Variants in NEDD4L observed in about 807,000 individuals in gnomAD.
NEDD4L encodes the protein E3 ubiquitin-protein ligase NEDD4-like.
Under a neutral mutation model 148.9 loss-of-function variants are expected in NEDD4L, and 54 were observed. The ratio of observed to expected loss-of-function variants is 0.36; its 90% CI spans 0.29 to 0.45. The LOEUF is 0.45. NEDD4L is among the 20% of genes least tolerant of loss of function. The probability of loss-of-function intolerance (pLI) is 1.00; values close to 1 mark genes in which losing one functional copy is unlikely to be tolerated. For missense variants in NEDD4L, 856 were observed against 1,233.8 expected, an observed-to-expected ratio of 0.69 and a Z score of 4.59; for synonymous variants, 433 against 440.7, an observed-to-expected ratio of 0.98 and a Z score of 0.22.
intron 3 of NEDD4L, chr18:58,247,493 C>A (rs541161587): frequency 1.3e-5 from 2 of 152,348 alleles, no homozygotes; most frequent in Admixed American, 6.5e-5. Context: ...GAGCCAGGAC[C>A]AAAGCCGGCG....
chr18:58,236,224 G>A (rs1356958945), intron 2 of NEDD4L, among the ~76,000 whole-genome samples: 1 of 151,886 alleles, frequency 6.6e-6, no homozygotes, highest in Non-Finnish European at 1.5e-5. Context: ...AGGCATGGTG[G>A]TGTGTGTCTG....
chr18:58,219,521 A>C (rs1207492860), intron 2 of NEDD4L, among the ~76,000 whole-genome samples: 1 of 152,222 alleles, frequency 6.6e-6, no homozygotes, highest in Non-Finnish European at 1.5e-5. Flanking sequence ...TTGTTTTCTC[A>C]GGGCTCTGGA....
At chr18:58,111,784 A>G (rs1192947891) in intron 1 of NEDD4L, among the ~76,000 whole-genome samples, 2 of 152,156 alleles carry the variant, frequency 1.3e-5, no homozygotes, top group African/African-American at 4.8e-5. Context: ...ATGAACCTCT[A>G]TGTAGTACAT....
chr18:58,118,988 CG>C (rs1441172750), intron 1 of NEDD4L, among the ~76,000 whole-genome samples: 1 of 152,028 alleles, frequency 6.6e-6, no homozygotes, highest in Non-Finnish European at 1.5e-5. Context: ...TACCCAGGCC[CG>C]GGGTCATCCC....
At chr18:58,208,938 T>A (rs988621406) in intron 2 of NEDD4L, among the ~76,000 whole-genome samples, 10 of 152,256 alleles carry the variant, frequency 6.6e-5, no homozygotes, top group Non-Finnish European at 1.0e-4. Context: ...ATTCTAGATA[T>A]TTAATAGCAG....
chr18:58,231,186 G>A lies in NEDD4L; in HGVS notation c.123-14241G>A, dbSNP rs548094457. On this transcript the variant is annotated intron_variant, in intron 2 of 30. Coordinates refer to ENST00000400345, the MANE Select transcript of NEDD4L (RefSeq NM_001144967.3). The stretch of plus-strand genomic sequence containing the variant: ...AATTGCTTGAGCCCAGGAGATCCAG[G>A]CTGCAGAGATTGTGCCACTGCAGCC... 2.7e-5 allele frequency among the ~76,000 whole-genome samples: 4 copies of A among 148,408 alleles called. No individual in the cohort carries two copies. In the South Asian group the frequency reaches 8.5e-4, roughly 32 times the overall value.
intron 17 of NEDD4L, among the ~76,000 whole-genome samples, chr18:58,349,922 C>G (rs891435073): frequency 1.3e-5 from 2 of 152,194 alleles, no homozygotes; most frequent in Admixed American, 6.5e-5. Flanking sequence ...CATTTTGTAA[C>G]TTAGCAACCA....
chr18:58,328,002 G>T (rs1254920305), intron 9 of NEDD4L, among the ~76,000 whole-genome samples: 7 of 147,648 alleles, frequency 4.7e-5, no homozygotes, highest in Admixed American at 4.1e-4. Flanking sequence ...TCACTCTGCT[G>T]CCCTGGCTAG....
intron 4 of NEDD4L, 102 bp from the exon 5 acceptor site, chr18:58,251,899 A>C: frequency 1.4e-6 from 1 of 705,730 alleles, no homozygotes; most frequent in Non-Finnish European, 2.6e-6. Flanking sequence ...TATACAATTG[A>C]GTTGGGCGCA....
At chr18:58,170,256 C>G (rs1042199273) in intron 2 of NEDD4L, among the ~76,000 whole-genome samples, 9 of 152,222 alleles carry the variant, frequency 5.9e-5, no homozygotes, top group Non-Finnish European at 1.3e-4. Flanking sequence ...TGTCAGGGCC[C>G]AGTTTGGGTG....
chr18:58,258,637 T>C (rs1347924458), intron 5 of NEDD4L, among the ~76,000 whole-genome samples: 1 of 152,176 alleles, frequency 6.6e-6, no homozygotes, highest in African/African-American at 2.4e-5. Context: ...AATAAAGAGC[T>C]TTTCTTGGAG....
At chr18:58,279,244 G>A (rs747802487) in intron 5 of NEDD4L, among the ~76,000 whole-genome samples, 5 of 152,144 alleles carry the variant, frequency 3.3e-5, no homozygotes, top group Non-Finnish European at 5.9e-5. Flanking sequence ...TGCCCCCACA[G>A]AGCTTCCAGT....
intron 5 of NEDD4L, among the ~76,000 whole-genome samples, chr18:58,268,666 A>T (rs2050584850): frequency 6.6e-6 from 1 of 151,754 alleles, no homozygotes; most frequent in African/African-American, 2.4e-5. Context: ...TGAAATAGAC[A>T]CTCCTTTGTC....
At chr18:58,076,965 C>T (rs1365437210) in intron 1 of NEDD4L, among the ~76,000 whole-genome samples, 1 of 151,202 alleles carries the variant, frequency 6.6e-6, no homozygotes, top group Non-Finnish European at 1.5e-5. Context: ...ATTCTTCTGC[C>T]TCAGCCTTCT....
chr18:58,212,443 A>G (rs114358259), intron 2 of NEDD4L, among the ~76,000 whole-genome samples: 1 of 152,068 alleles, frequency 6.6e-6, no homozygotes, highest in African/African-American at 2.4e-5. Flanking sequence ...AACAGAGTGT[A>G]TGCAGGGGAA....
At chr18:58,390,827 G>A in intron 29 of NEDD4L, 85 bp downstream of exon 29, 1 of 937,452 alleles carries the variant, frequency 1.1e-6, no homozygotes, top group Non-Finnish European at 1.7e-6. Flanking sequence ...CTGCCGCCAG[G>A]CCTCTGCAGA....
chr18:58,285,408 A>G (rs1456793182), intron 5 of NEDD4L, among the ~76,000 whole-genome samples: 3 of 151,130 alleles, frequency 2.0e-5, no homozygotes, highest in Non-Finnish European at 4.4e-5. Context: ...GGCTCACTGC[A>G]ACCTCCACCT....
intron 16 of NEDD4L, among the ~76,000 whole-genome samples, chr18:58,349,086 G>C (rs2043517675): frequency 6.6e-6 from 1 of 152,130 alleles, no homozygotes; most frequent in Non-Finnish European, 1.5e-5. Flanking sequence ...ACAAGTGCTG[G>C]AGGAGGGTGT....
chr18:58,350,310 G>A (rs1299891385), intron 17 of NEDD4L, among the ~76,000 whole-genome samples: 1 of 152,284 alleles, frequency 6.6e-6, no homozygotes, highest in East Asian at 1.9e-4. Context: ...GAAGGTTAAG[G>A]TTCAATCATT....
Sources: allele counts gnomAD v4.1 joint callset (sites outside exome capture counted in the v4.1 genomes callset), GRCh38; gene constraint gnomAD v4.1.1; transcripts MANE v1.5; gene names NCBI Gene and HGNC (gene_info 2026-07-23, HGNC 2026-07-21).